The following SPDYE4 variants were observed in gnomAD, a reference collection of about 807,000 sequenced individuals.
SPDYE4 encodes speedy/RINGO cell cycle regulator family member E4, also known as speedy protein E4.
A neutral mutation model predicts 37.5 loss-of-function variants in SPDYE4; 30 were observed. The ratio of observed to expected loss-of-function variants is 0.80; its 90% confidence interval spans 0.60 to 1.09. SPDYE4 has a LOEUF of 1.09. SPDYE4 is among the 50% of genes least tolerant of loss of function. The pLI is 0.00. For synonymous variants in SPDYE4, 131 were observed against 120.3 expected (o/e 1.09, Z -0.58); for missense variants, 300 against 307.9 (o/e 0.97, Z 0.19).
chr17:8,755,576 A>G lies in SPDYE4; in HGVS notation c.429T>C (p.Phe143=). Residue 143 remains phenylalanine, a synonymous_variant, in exon 4 of 7, where the codon TTT becomes TTC. Coordinates refer to ENST00000689094, the MANE Select transcript of SPDYE4 (RefSeq NM_001394956.1). ...KYLLAMVIAY[F]SRAGLFSWQY... The stretch of plus-strand genomic sequence containing the variant: ...GCCACGAGAAGAGGCCGGCACGGCT[A>G]AAATACGCTATGACCATAGCCAGGA... The G allele has an allele frequency of 1.2e-6, 2 of 1,612,738 alleles. No homozygotes were observed. Among genetic ancestry groups the G allele is most frequent in the Non-Finnish European group, 1.7e-6 (2 of 1,179,494 alleles).
downstream of SPDYE4, among the ~76,000 whole-genome samples, chr17:8,750,667 G>A (rs200376750): frequency 1.3e-5 from 2 of 152,124 alleles, no homozygotes. Flanking sequence ...CTGAGATTGC[G>A]CCACTGCACT....
At chr17:8,754,149 T>C (rs953641668) in intron 4 of SPDYE4, among the ~76,000 whole-genome samples, 1 of 152,244 alleles carries the variant, frequency 6.6e-6, no homozygotes, top group African/African-American at 2.4e-5. Context: ...TAAGGTTTTG[T>C]TGAATAAATG....
Position 8,753,452 on chromosome 17 carries a change from G to A in SPDYE4, c.523C>T (p.Pro175Ser). Residue 175 changes from proline to serine, a missense_variant, in exon 5 of 7, where the codon CCG becomes TCG. Coordinates refer to ENST00000689094, the MANE Select transcript of SPDYE4 (RefSeq NM_001394956.1). Reference protein sequence around the residue: ...ASDMEEDNQAPKQDIFSFLYG... With the variant: ...ASDMEEDNQASKQDIFSFLYG... ...AGGAAGGAGAAGATGTCTTGTTTCGGGGCCTGGTTGTCCTCCTCCATGTCA... is the reference window on the plus strand; with the variant it reads ...AGGAAGGAGAAGATGTCTTGTTTCGAGGCCTGGTTGTCCTCCTCCATGTCA... 1 of 1,613,348 alleles carries A rather than the reference G, an allele frequency of 6.2e-7. No homozygotes were observed. Among genetic ancestry groups the A allele is most frequent in the Non-Finnish European group, 8.5e-7 (1 of 1,179,678 alleles).
Position 8,758,309 on chromosome 17 carries a change from T to A in SPDYE4, c.74A>T (p.Glu25Val). The A allele has an allele frequency of 6.5e-7, 1 of 1,549,822 alleles. No individual in the cohort carries two copies. Among genetic ancestry groups the A allele is most frequent in the Non-Finnish European group, 8.7e-7 (1 of 1,146,262 alleles). The change falls in exon 1 of 7, where the codon GAG becomes GTG. Residue 25 changes from glutamate to valine, a missense_variant. By Grantham distance (121) the Glu-to-Val change is moderately radical (BLOSUM62 -2). Transcript: ENST00000689094. Reference sequence around the variant, plus strand: ...TGGCACTTCATCATCCACCACCACCTCGGGGGACCGTACCGTTGTGCTAGG... The same window carrying A: ...TGGCACTTCATCATCCACCACCACCACGGGGGACCGTACCGTTGTGCTAGG... The part of the protein sequence containing the change: ...PQPSTTVRSP[E>V]VVVDDEVPGP...
intron 1 of SPDYE4, among the ~76,000 whole-genome samples, chr17:8,757,871 C>T (rs568013952): frequency 4.6e-5 from 7 of 151,892 alleles, no homozygotes; most frequent in African/African-American, 1.7e-4. Context: ...CAACCTCCGC[C>T]TCCTGGGTTC....
downstream of SPDYE4, among the ~76,000 whole-genome samples, chr17:8,749,142 G>GGA (rs1357329732): frequency 6.6e-6 from 1 of 151,176 alleles, no homozygotes; most frequent in Non-Finnish European, 1.5e-5. Context: ...TGCCCAGGCT[G>GGA]GAGTGCAGTG....
intron 3 of SPDYE4, 59 bp from the exon 4 acceptor site, chr17:8,755,664 ATGG>A: frequency 1.3e-6 from 2 of 1,575,884 alleles, no homozygotes; most frequent in Non-Finnish European, 1.7e-6. Context: ...GAAGAGGAAG[ATGG>A]TGGAGAGAAG....
rs2086732379 is a variant in SPDYE4, at chr17:8,752,099, CT to C, written c.*182del. On this transcript the variant is annotated 3_prime_UTR_variant, in exon 7 of 7. Coordinates refer to ENST00000689094, the MANE Select transcript of SPDYE4 (RefSeq NM_001394956.1). ...CTCCTAGGAGGAAAACCTGGTCAAT[CT>C]ATTTTGCCCCTTCTAGAAGAGTCCA... 6.6e-6 allele frequency among the ~76,000 whole-genome samples: 1 copy of C among 152,130 alleles called. No individual in the cohort carries two copies. The highest frequency in any genetic ancestry group is 2.4e-5 in the African/African-American group (1 of 41,420).
chr17:8,756,286 G>C (rs2086771532), intron 3 of SPDYE4, 92 bp downstream of exon 3: 1 of 1,195,412 alleles, frequency 8.4e-7, no homozygotes, highest in Non-Finnish European at 1.2e-6. Flanking sequence ...ATGGTAGAGG[G>C]AGAGAGGAGA....
rs2086733097 is a variant in SPDYE4, at chr17:8,752,196, A to C, written c.*86T>G. On this transcript the variant is annotated 3_prime_UTR_variant, in exon 7 of 7. Coordinates refer to ENST00000689094, the MANE Select transcript of SPDYE4 (RefSeq NM_001394956.1). Reference sequence around the variant, plus strand: ...GGTGTCTGGCATTAGCGTCGCGATAAACTTCCTGCTGAAAATTCCCATCTC... The same window carrying C: ...GGTGTCTGGCATTAGCGTCGCGATACACTTCCTGCTGAAAATTCCCATCTC... Among the ~76,000 whole-genome samples, 1 of 152,060 alleles carries C rather than the reference A, an allele frequency of 6.6e-6. No individual in the cohort carries two copies. Among genetic ancestry groups the C allele is most frequent in the African/African-American group, 2.4e-5 (1 of 41,374 alleles).
chr17:8,748,452 G>T (rs1444147176), downstream of SPDYE4, among the ~76,000 whole-genome samples: 1 of 152,214 alleles, frequency 6.6e-6, no homozygotes, highest in Non-Finnish European at 1.5e-5. Flanking sequence ...TTTCCAGTCT[G>T]CAAACCAGCA....
At chr17:8,747,816 T>C (rs1382998430), downstream of SPDYE4, among the ~76,000 whole-genome samples, 1 of 152,218 alleles carries the variant, frequency 6.6e-6, no homozygotes, top group Non-Finnish European at 1.5e-5. Context: ...AATTCATATG[T>C]TGAAACCCTG....
rs1597354629 is a variant in SPDYE4 at position 8,758,511 on chromosome 17, T to G, written c.-129A>C. On this transcript the variant is annotated 5_prime_UTR_variant, in exon 1 of 7. Coordinates refer to ENST00000689094, the MANE Select transcript of SPDYE4 (RefSeq NM_001394956.1). ...CTAGAGGCTCGGGAGAAGTTAGGAGTGAAGAGTAGTTCTGAGAAGTTGCTG... is the reference window on the plus strand; with the variant it reads ...CTAGAGGCTCGGGAGAAGTTAGGAGGGAAGAGTAGTTCTGAGAAGTTGCTG... 1.2e-6 allele frequency: 1 copy of G among 847,450 alleles called. No homozygotes were observed. Among genetic ancestry groups the G allele is most frequent in the South Asian group, 1.6e-5 (1 of 61,260 alleles). The allele number at this position is 847,450 out of a possible 1,614,324, so 52.5% of individuals were successfully genotyped here.
At chr17:8,755,267 C>G (rs942102555) in intron 4 of SPDYE4, 1 of 367,874 alleles carries the variant, frequency 2.7e-6, no homozygotes, top group Non-Finnish European at 4.8e-6. Context: ...GGAGCAGGGT[C>G]GTGTCCACGG....
rs184513350 is a variant in SPDYE4, at chr17:8,752,953, C to T, written c.*44+141G>A. On this transcript the variant is annotated intron_variant, in intron 6 of 6. Coordinates refer to ENST00000689094, the MANE Select transcript of SPDYE4 (RefSeq NM_001394956.1). The stretch of plus-strand genomic sequence containing the variant: ...TGGGGACTAGAGGCGCCCACCAGGA[C>T]GCCCGGCTAATTTTTGTATTTTTGT... Among the ~76,000 whole-genome samples, 388 of 152,142 alleles carry T rather than the reference C, an allele frequency of 2.6e-3. 3 individuals are homozygous for T. Among genetic ancestry groups the T allele is most frequent in the African/African-American group, 8.5e-3 (354 of 41,508 alleles).
intron 1 of SPDYE4, among the ~76,000 whole-genome samples, chr17:8,757,786 T>TCTCTC (rs534306602): frequency 0.044 from 4,951 of 113,720 alleles, 123 homozygotes; most frequent in African/African-American, 0.088. Context: ...TCTCTCTCTC[T>TCTCTC]TTTTTTTTTT....
intron 6 of SPDYE4, among the ~76,000 whole-genome samples, chr17:8,752,580 T>G (rs758995441): frequency 6.6e-6 from 1 of 152,104 alleles, no homozygotes; most frequent in Non-Finnish European, 1.5e-5. Context: ...TTGCTTAAGA[T>G]CTAAACTTTT....
At chr17:8,756,292 G>GGA (rs1208557562) in intron 3 of SPDYE4, 86 bp downstream of exon 3, 20 of 1,264,766 alleles carry the variant, frequency 1.6e-5, no homozygotes, top group Non-Finnish European at 2.3e-5. Flanking sequence ...GAGGGAGAGA[G>GGA]GAGAGAAACT....
chr17:8,748,150 T>C (rs2086703034), downstream of SPDYE4, among the ~76,000 whole-genome samples: 1 of 152,228 alleles, frequency 6.6e-6, no homozygotes, highest in Non-Finnish European at 1.5e-5. Flanking sequence ...GAGATTTGCA[T>C]GGGGACACAG....
Sources: allele counts gnomAD v4.1 joint callset (sites outside exome capture counted in the v4.1 genomes callset), GRCh38; gene constraint gnomAD v4.1.1; transcripts MANE v1.5; gene names NCBI Gene and HGNC (gene_info 2026-07-23, HGNC 2026-07-21).